SLC25A26: variants seen among roughly 807,000 people sequenced by gnomAD.
SLC25A26 encodes solute carrier family 25 member 26, also known as mitochondrial S-adenosylmethionine carrier protein.
Under a neutral mutation model 37.8 loss-of-function variants are expected in SLC25A26, and 36 were observed. The ratio of observed to expected loss-of-function variants is 0.95; its 90% CI spans 0.73 to 1.26. The LOEUF is 1.26. Ranked by LOEUF, SLC25A26 falls within the 50% of genes most tolerant of loss-of-function variation. The probability of loss-of-function intolerance (pLI) is 0.00; values close to 1 mark genes in which losing one functional copy is unlikely to be tolerated. For synonymous variants in SLC25A26, 129 were observed against 122.5 expected (o/e 1.05, Z -0.35); for missense variants, 390 against 331.1 (o/e 1.18, Z -1.38).
At chr3:66,314,085 C>G (rs1456580683) in intron 5 of SLC25A26, among the ~76,000 whole-genome samples, 1 of 152,114 alleles carries the variant, frequency 6.6e-6, no homozygotes, top group Non-Finnish European at 1.5e-5. Flanking sequence ...ATTTGACTTC[C>G]TCTCTTCTTG....
At chr3:66,250,995 G>T (rs913325857) in intron 3 of SLC25A26, among the ~76,000 whole-genome samples, 1 of 152,098 alleles carries the variant, frequency 6.6e-6, no homozygotes, top group Non-Finnish European at 1.5e-5. Flanking sequence ...TTTAGCAGGA[G>T]TCTCAGTTAT....
chr3:66,210,911 G>C (rs1363833620), intron 1 of SLC25A26, among the ~76,000 whole-genome samples: 1 of 152,196 alleles, frequency 6.6e-6, no homozygotes, highest in African/African-American at 2.4e-5. Context: ...ACAGTCAGGG[G>C]CCAGATCACT....
rs2074198376 is a variant in SLC25A26 at position 66,277,552 on chromosome 3, TGTG to T, written c.453+14176_453+14178del. On this transcript the variant is annotated intron_variant, in intron 5 of 9. Coordinates refer to ENST00000354883, the MANE Select transcript of SLC25A26 (RefSeq NM_001379210.1). ...TGATGGATGTGTTAATTAATTTGAT[TGTG>T]GTAATCATTACACATTGTGTATCAA... is the stretch of plus-strand genomic sequence containing the variant. 2.6e-5 allele frequency among the ~76,000 whole-genome samples: 4 copies of T among 152,160 alleles called. No homozygotes were observed. In the South Asian group the frequency reaches 6.2e-4, roughly 24 times the overall value.
At chr3:66,190,179 G>T (rs2070910162) in intron 1 of SLC25A26, among the ~76,000 whole-genome samples, 1 of 151,966 alleles carries the variant, frequency 6.6e-6, no homozygotes, top group East Asian at 1.9e-4. Flanking sequence ...GCCAAATATG[G>T]CGGCATAAAC....
In SLC25A26 at chr3:66,135,760, C is replaced by T. The variant is rs149605844; in HGVS notation, c.-354+1776C>T. 3.9e-3 allele frequency among the ~76,000 whole-genome samples: 597 copies of T among 152,156 alleles called. 6 individuals are homozygous for T. Among genetic ancestry groups the T allele is most frequent in the Non-Finnish European group, 3.9e-3 (263 of 68,010 alleles). On this transcript the variant is annotated intron_variant, in intron 1 of 10. Transcript: ENST00000676754. ...CTCCAGCCTGGGTAACAGAGCAAAA[C>T]CCTGTCTCAATAAAAAAATAAAGTA... is the stretch of plus-strand genomic sequence containing the variant.
chr3:66,328,609 A>G (rs9821308), intron 5 of SLC25A26, among the ~76,000 whole-genome samples: 2,762 of 152,294 alleles, frequency 0.018, 80 homozygotes, highest in African/African-American at 0.058. Context: ...TCTATATTAA[A>G]AGATCTTTAA....
upstream of SLC25A26, among the ~76,000 whole-genome samples, chr3:66,218,618 G>A (rs1398633149): frequency 6.6e-6 from 1 of 152,174 alleles, no homozygotes; most frequent in African/African-American, 2.4e-5. Flanking sequence ...GATTACCTGT[G>A]TAAACAATAG....
intron 5 of SLC25A26, among the ~76,000 whole-genome samples, chr3:66,275,159 C>T (rs1251232739): frequency 6.7e-6 from 1 of 149,458 alleles, no homozygotes; most frequent in African/African-American, 2.5e-5. Context: ...GGACAAAAAA[C>T]CAAACACGGC....
intron 5 of SLC25A26, among the ~76,000 whole-genome samples, chr3:66,280,012 A>T (rs980690900): frequency 1.2e-4 from 19 of 152,198 alleles, no homozygotes; most frequent in African/African-American, 4.6e-4. Context: ...GCTATGTTTC[A>T]TGTTGACTAA....
intron 5 of SLC25A26, among the ~76,000 whole-genome samples, chr3:66,293,532 C>T (rs1260331720): frequency 6.6e-6 from 1 of 151,538 alleles, no homozygotes; most frequent in Non-Finnish European, 1.5e-5. Flanking sequence ...TGATCCTCTC[C>T]CTCCTCCCAG....
chr3:66,272,289 A>T (rs897757136), intron 5 of SLC25A26, among the ~76,000 whole-genome samples: 1 of 152,094 alleles, frequency 6.6e-6, no homozygotes, highest in Non-Finnish European at 1.5e-5. Flanking sequence ...GAATCCATGA[A>T]CTTAACCTTT....
At chr3:66,238,146 A>T (rs1342339607) in intron 2 of SLC25A26, among the ~76,000 whole-genome samples, 1 of 152,168 alleles carries the variant, frequency 6.6e-6, no homozygotes, top group African/African-American at 2.4e-5. Flanking sequence ...CAATTTGTCC[A>T]CTTTGGAATC....
chr3:66,352,442 G>GTTT (rs58389048), intron 6 of SLC25A26, among the ~76,000 whole-genome samples: 1 of 128,944 alleles, frequency 7.8e-6, no homozygotes, highest in African/African-American at 2.9e-5. Context: ...TTTGTTTTTT[G>GTTT]TTTTTTTTTT....
chr3:66,217,882 T>G (rs2071384922), upstream of SLC25A26, among the ~76,000 whole-genome samples: 1 of 152,350 alleles, frequency 6.6e-6, no homozygotes, highest in East Asian at 1.9e-4. Flanking sequence ...ACAACCATTC[T>G]AATTGTGCAA....
At chr3:66,291,720 T>A (rs1485751663) in intron 5 of SLC25A26, among the ~76,000 whole-genome samples, 2 of 152,182 alleles carry the variant, frequency 1.3e-5, no homozygotes, top group East Asian at 3.8e-4. Context: ...TTACTTCCAA[T>A]TATGTGGTCA....
At chr3:66,253,494 G>A (rs1485966781) in intron 3 of SLC25A26, among the ~76,000 whole-genome samples, 3 of 152,088 alleles carry the variant, frequency 2.0e-5, no homozygotes, top group South Asian at 2.1e-4. Context: ...AGAGGGGAGC[G>A]GGGGTCAGAG....
At chr3:66,204,373 C>T (rs2071147532) in intron 1 of SLC25A26, among the ~76,000 whole-genome samples, 1 of 129,316 alleles carries the variant, frequency 7.7e-6, no homozygotes, top group African/African-American at 2.7e-5. Flanking sequence ...TTGCAGTGAG[C>T]CGAGATCGCG....
At chr3:66,354,132 A>G (rs180826003) in intron 6 of SLC25A26, among the ~76,000 whole-genome samples, 1 of 152,216 alleles carries the variant, frequency 6.6e-6, no homozygotes, top group East Asian at 1.9e-4. Context: ...ATGAAAGGAT[A>G]TGATAAAATT....
chr3:66,281,821 CCTTT>C (rs914633935), intron 5 of SLC25A26, among the ~76,000 whole-genome samples: 16 of 132,932 alleles, frequency 1.2e-4, no homozygotes, highest in African/African-American at 5.1e-4. Flanking sequence ...CCCCGTTAGT[CCTTT>C]TTTTTTTTTT....
Sources: allele counts gnomAD v4.1 joint callset (sites outside exome capture counted in the v4.1 genomes callset), GRCh38; gene constraint gnomAD v4.1.1; transcripts MANE v1.5; gene names NCBI Gene and HGNC (gene_info 2026-07-23, HGNC 2026-07-21).